SH3D21: variants seen among roughly 807,000 people sequenced by gnomAD.
SH3D21 encodes the protein SH3 domain-containing protein 21.
In SH3D21, 83 loss-of-function variants were observed where a neutral mutation model predicts 82.1. The observed-to-expected ratio is 1.01, with a 90% CI of 0.85 to 1.21. The LOEUF (loss-of-function observed/expected upper bound fraction) is 1.21. Among genes scored for constraint, SH3D21 ranks in the 50% most tolerant of loss-of-function variants. SH3D21 has a pLI of 0.00. For missense variants in SH3D21, 980 were observed against 962.1 expected (o/e 1.02, Z -0.25); for synonymous variants, 383 against 387.8 (o/e 0.99, Z 0.15).
chr1:36,322,835 C>CGAG, downstream of SH3D21: 1 of 1,489,314 alleles, frequency 6.7e-7, no homozygotes, highest in Non-Finnish European at 9.2e-7. Context: ...AACCCCTACT[C>CGAG]GAAGGGCATT....
At chr1:36,309,509 A>G (rs1646195180) in intron 9 of SH3D21, 39 bp from the exon 10 acceptor site, 1 of 1,550,110 alleles carries the variant, frequency 6.5e-7, no homozygotes. Context: ...TCTGATTTTT[A>G]GATTAAGGAT....
chr1:36,310,737 A>G (rs1355428392), intron 10 of SH3D21, among the ~76,000 whole-genome samples: 1 of 152,116 alleles, frequency 6.6e-6, no homozygotes, highest in Non-Finnish European at 1.5e-5. Context: ...CCTCACCCCA[A>G]AGGTAACCAC....
chr1:36,322,060 T>G (rs904176186), downstream of SH3D21: 1 of 1,318,246 alleles, frequency 7.6e-7, no homozygotes, highest in Non-Finnish European at 9.6e-7. Context: ...TTTCATTTGG[T>G]CACTTCACCT....
rs1646139049 is a variant in SH3D21, at chr1:36,307,024, G to A, written c.226+119G>A. 5 of 1,436,842 alleles carry A rather than the reference G, an allele frequency of 3.5e-6. No individual in the cohort carries two copies. Among genetic ancestry groups the A allele is most frequent in the African/African-American group, 2.9e-5 (2 of 69,278 alleles). The allele number at this position is 1,436,842 out of a possible 1,614,324, so 89.0% of individuals were successfully genotyped here. On this transcript the variant is annotated intron_variant, in intron 3 of 15. Coordinates refer to ENST00000453908, the MANE Select transcript of SH3D21 (RefSeq NM_001162530.2). This position sits in a 1 kb window ranked among gnomAD's most constrained non-coding sequence, Gnocchi z 5.4. The stretch of plus-strand genomic sequence containing the variant: ...GGGCGGGACCTCGGGGCCGCCCTGC[G>A]GTCTGTGATTGGTTCTCGAGTGCAA...
chr1:36,329,723 G>A (rs1314103426), downstream of SH3D21, among the ~76,000 whole-genome samples: 1 of 152,152 alleles, frequency 6.6e-6, no homozygotes, highest in African/African-American at 2.4e-5. Flanking sequence ...AATGAGTAAG[G>A]GGTTAGAGAA....
In SH3D21 at chr1:36,319,709, C is replaced by G; in HGVS notation, c.1046C>G (p.Ser349Cys). 6.3e-7 allele frequency: 1 copy of G among 1,595,276 alleles called. No individual in the cohort carries two copies. The highest frequency in any genetic ancestry group is 8.5e-7 in the Non-Finnish European group (1 of 1,172,180). The change falls in exon 14 of 16, where the codon TCT (serine) becomes TGT (cysteine). Residue 349 changes from serine (S) to cysteine (C), a missense_variant. Coordinates refer to ENST00000453908, the MANE Select transcript of SH3D21 (RefSeq NM_001162530.2). ...EEHSSPVKAP[S>C]VKRTPMPDKT... The stretch of plus-strand genomic sequence containing the variant: ...CACAGCAGCCCGGTAAAGGCCCCCT[C>G]TGTGAAGAGAACCCCCATGCCGGAC...
Position 36,307,340 on chromosome 1 carries a change from T to C in SH3D21, c.345+55T>C. On this transcript the variant is annotated intron_variant, in intron 4 of 15. Coordinates refer to ENST00000453908, the MANE Select transcript of SH3D21 (RefSeq NM_001162530.2). The surrounding 1 kb of genome is among the most constrained non-coding windows in gnomAD (Gnocchi z 5.4). ...GGGAGGATGATGGAACGCGCCTCCC[T>C]AGTGAGCGGGGTGGGAAGTGAGGGT... 1 of 1,543,350 alleles carries C rather than the reference T, an allele frequency of 6.5e-7. No individual in the cohort carries two copies. The highest frequency in any genetic ancestry group is 8.8e-7 in the Non-Finnish European group (1 of 1,140,176).
At position 36,306,776 on chromosome 1, in the gene SH3D21, G is replaced by A. The variant is rs1369609643; in HGVS notation, c.162+21G>A. On this transcript the variant is annotated intron_variant, in intron 2 of 15. Coordinates refer to ENST00000453908, the MANE Select transcript of SH3D21 (RefSeq NM_001162530.2). This position sits in a 1 kb window ranked among gnomAD's most constrained non-coding sequence, Gnocchi z 4.5. ...TGCAGGTGAGGCCGAGCCAGGGGCG[G>A]GCTGTGGGGTCTCAGCGCGCGCCCC... The A allele has an allele frequency of 1.5e-6, 2 of 1,291,148 alleles. No individual in the cohort carries two copies. The highest frequency in any genetic ancestry group is 3.1e-5 in the African/African-American group (2 of 64,844). The allele number at this position is 1,291,148 out of a possible 1,614,324, so 80.0% of individuals were successfully genotyped here.
chr1:36,309,542 G>C lies in SH3D21; in HGVS notation c.727-6G>C. Reference sequence around the variant, plus strand: ...GATGCTCAACCTTTACTTCTTTTCGGCATAGATCAAGAAGCTGGTCCCACG... The same window carrying C: ...GATGCTCAACCTTTACTTCTTTTCGCCATAGATCAAGAAGCTGGTCCCACG... On this transcript the variant is annotated splice_polypyrimidine_tract_variant and splice_region_variant and intron_variant, in intron 9 of 15. Coordinates refer to ENST00000453908, the MANE Select transcript of SH3D21 (RefSeq NM_001162530.2). The C allele has an allele frequency of 6.4e-7, 1 of 1,551,472 alleles. No individual in the cohort carries two copies. Among genetic ancestry groups the C allele is most frequent in the Non-Finnish European group, 8.7e-7 (1 of 1,146,896 alleles).
chr1:36,321,383 T>TTG, downstream of SH3D21: 1 of 1,094,778 alleles, frequency 9.1e-7, no homozygotes, highest in Non-Finnish European at 1.2e-6. This position sits in a 1 kb window ranked among gnomAD's most constrained non-coding sequence, Gnocchi z 6.1. Flanking sequence ...ATCCACCGGA[T>TTG]GGTGAGGGGC....
chr1:36,307,990 ACTCC>A lies in SH3D21; in HGVS notation c.538+31_538+34del. 6.4e-7 allele frequency: 1 copy of A among 1,551,132 alleles called. No homozygotes were observed. Among genetic ancestry groups the A allele is most frequent in the Non-Finnish European group, 8.7e-7 (1 of 1,146,922 alleles). ...TGAGCACCCATCCAAAGGGTCCCCC[ACTCC>A]CTCAGCCACTCCCAAGGTTGTGACT... On this transcript the variant is annotated intron_variant, in intron 7 of 15. Transcript: ENST00000453908. This position sits in a 1 kb window ranked among gnomAD's most constrained non-coding sequence, Gnocchi z 5.4.
rs1229092822 is a variant in SH3D21 at position 36,321,043 on chromosome 1, C to A, written c.2200-13C>A. ...TGGCCCCCTGACAAAGTCTCCACCTCACTCCCGACCAGGTCCAGGTGATGC... is the reference window on the plus strand; with the variant it reads ...TGGCCCCCTGACAAAGTCTCCACCTAACTCCCGACCAGGTCCAGGTGATGC... On this transcript the variant is annotated splice_polypyrimidine_tract_variant and intron_variant, in intron 15 of 15. Coordinates refer to ENST00000453908, the MANE Select transcript of SH3D21 (RefSeq NM_001162530.2). This position sits in a 1 kb window ranked among gnomAD's most constrained non-coding sequence, Gnocchi z 6.1. 6.2e-7 allele frequency: 1 copy of A among 1,608,732 alleles called. No homozygotes were observed. Among genetic ancestry groups the A allele is most frequent in the South Asian group, 1.1e-5 (1 of 90,072 alleles).
chr1:36,307,069 G>A lies in SH3D21; in HGVS notation c.227-98G>A. 5 of 1,517,208 alleles carry A rather than the reference G, an allele frequency of 3.3e-6. No individual in the cohort carries two copies. In the South Asian group the frequency reaches 5.1e-5, roughly 16 times the overall value. 94.0% of individuals were successfully genotyped at this position (1,517,208 alleles called of 1,614,324 possible). A position where few individuals can be genotyped will look rare whatever the true frequency, so the allele number is the denominator to read the frequency against. On this transcript the variant is annotated intron_variant, in intron 3 of 15. Coordinates refer to ENST00000453908, the MANE Select transcript of SH3D21 (RefSeq NM_001162530.2). The surrounding 1 kb of genome is among the most constrained non-coding windows in gnomAD (Gnocchi z 5.4). ...GTGCAATGCTCCGCCCTGGGGCGGG[G>A]CTGGAGGGACCAAAGGCTACGTGCG...
chr1:36,314,787 A>G (rs1433602914), intron 10 of SH3D21, among the ~76,000 whole-genome samples: 2 of 152,014 alleles, frequency 1.3e-5, no homozygotes, highest in East Asian at 3.9e-4. Flanking sequence ...AAAAGTTTTA[A>G]ATTTTGATGA....
At position 36,320,620 on chromosome 1, in the gene SH3D21, T is replaced by A; in HGVS notation, c.1957T>A (p.Phe653Ile). ...KEEVPPIERA[F>I]AQKTRPIKPP... Reference sequence around the variant, plus strand: ...GGAGGTGCCCCCCATAGAAAGAGCCTTTGCCCAAAAAACACGTCCTATCAA... The same window carrying A: ...GGAGGTGCCCCCCATAGAAAGAGCCATTGCCCAAAAAACACGTCCTATCAA... Residue 653 changes from phenylalanine (F) to isoleucine (I), a missense_variant, in exon 14 of 16, where the codon TTT (phenylalanine) becomes ATT (isoleucine). Transcript: ENST00000453908. 6.2e-7 allele frequency: 1 copy of A among 1,614,188 alleles called. No homozygotes were observed.
Position 36,320,543 on chromosome 1 carries a change from A to T in SH3D21, c.1880A>T (p.Glu627Val). The part of the protein sequence containing the change: ...LPKEGVASKE[E>V]VTLKEELPPK... The stretch of plus-strand genomic sequence containing the variant: ...AAAGAGGGAGTGGCTTCCAAAGAGG[A>T]GGTGACCCTGAAAGAGGAATTGCCC... The change falls in exon 14 of 16, where the codon GAG (glutamate) becomes GTG (valine). Residue 627 changes from glutamate (E) to valine (V), a missense_variant. Glu to Val is a moderately radical substitution (Grantham distance 121). Transcript: ENST00000453908. 1 of 1,614,114 alleles carries T rather than the reference A, an allele frequency of 6.2e-7. No individual in the cohort carries two copies. Among genetic ancestry groups the T allele is most frequent in the Non-Finnish European group, 8.5e-7 (1 of 1,180,014 alleles).
chr1:36,319,417 G>A, intron 12 of SH3D21, 25 bp from the exon 13 acceptor site: 1 of 1,551,408 alleles, frequency 6.4e-7, no homozygotes, highest in Non-Finnish European at 8.7e-7. Context: ...AGTAGGCTTG[G>A]GTCCCTGAGG....
chr1:36,318,760 T>G (rs1344665651), intron 10 of SH3D21, among the ~76,000 whole-genome samples: 1 of 151,466 alleles, frequency 6.6e-6, no homozygotes, highest in African/African-American at 2.4e-5. Context: ...CAAAAAGAAA[T>G]TAGCCGGGTG....
chr1:36,328,210 G>A (rs1646563510), downstream of SH3D21: 1 of 445,750 alleles, frequency 2.2e-6, no homozygotes, highest in Non-Finnish European at 4.5e-6. Flanking sequence ...GAGATCCAGA[G>A]CCTATGGGAG....
Sources: allele counts gnomAD v4.1 joint callset (sites outside exome capture counted in the v4.1 genomes callset), GRCh38; gene constraint gnomAD v4.1.1; non-coding constraint Gnocchi (gnomAD v3.1); transcripts MANE v1.5; gene names NCBI Gene and HGNC (gene_info 2026-07-23, HGNC 2026-07-21).